The following DNAJC9 variants were observed in gnomAD, a reference collection of about 807,000 sequenced individuals.
DNAJC9 encodes dnaJ homolog subfamily C member 9.
In DNAJC9, 18 loss-of-function variants were observed where a neutral mutation model predicts 32.4. That is an observed-to-expected ratio of 0.56 (90% CI 0.38 to 0.82). The LOEUF is 0.82. DNAJC9 is among the 40% of genes least tolerant of loss of function. DNAJC9 has a pLI of 0.00. For synonymous variants in DNAJC9, 113 were observed against 122.1 expected, an observed-to-expected ratio of 0.93 and a Z score of 0.49; for missense variants, 310 against 321.8, an observed-to-expected ratio of 0.96 and a Z score of 0.28.
chr10:73,235,325 T>A, downstream of DNAJC9: 1 of 1,551,824 alleles, frequency 6.4e-7, no homozygotes, highest in Non-Finnish European at 8.7e-7. Context: ...TTTGGTAGAG[T>A]GACGTACTTC....
At chr10:73,238,199 T>G (rs1224068575), downstream of DNAJC9, among the ~76,000 whole-genome samples, 1 of 151,842 alleles carries the variant, frequency 6.6e-6, no homozygotes, top group Non-Finnish European at 1.5e-5. Context: ...ACAAGAAAAT[T>G]AGCCAGGCAT....
chr10:73,234,212 G>A (rs900007682), downstream of DNAJC9: 1 of 153,326 alleles, frequency 6.5e-6, no homozygotes, highest in Non-Finnish European at 1.5e-5. Flanking sequence ...TATACCAACA[G>A]AGCTATAAAT....
chr10:73,234,042 G>A (rs773619008), downstream of DNAJC9: 12 of 152,122 alleles, frequency 7.9e-5, no homozygotes, highest in Non-Finnish European at 1.6e-4. Context: ...ATACCTAGGA[G>A]CCAATTTTAA....
At chr10:73,233,322 T>G in intron 2 of DNAJC9, 1 of 607,562 alleles carries the variant, frequency 1.6e-6, no homozygotes. Context: ...CACAAAATTT[T>G]TTAATGTGGT....
At chr10:73,239,138 G>T, downstream of DNAJC9, 1 of 545,662 alleles carries the variant, frequency 1.8e-6, no homozygotes, top group South Asian at 2.6e-5. Flanking sequence ...TGGGCATCTG[G>T]CTTGGGATTT....
downstream of DNAJC9, chr10:73,239,257 A>G: frequency 1.4e-6 from 2 of 1,439,172 alleles, no homozygotes; most frequent in Non-Finnish European, 1.9e-6. Context: ...CTGCTAAAAT[A>G]TTATCCTTTG....
downstream of DNAJC9, chr10:73,239,184 T>C (rs529460098): frequency 3.7e-5 from 26 of 710,024 alleles, no homozygotes; most frequent in Non-Finnish European, 4.9e-5. Flanking sequence ...CTCAGCTGAC[T>C]TTTCCCTCAA....
At chr10:73,233,017 G>A (rs1589193296) in intron 2 of DNAJC9, 3 of 1,551,802 alleles carry the variant, frequency 1.9e-6, no homozygotes, top group African/African-American at 2.7e-5. Context: ...ATCGAGCTGT[G>A]GAGTTTAGTA....
chr10:73,233,106 G>T (rs1797404627), intron 2 of DNAJC9: 1 of 1,551,640 alleles, frequency 6.4e-7, no homozygotes, highest in Admixed American at 2.0e-5. Context: ...ATCAGCACGA[G>T]CCATTCATGT....
At chr10:73,239,408 A>AT, downstream of DNAJC9, 1 of 1,529,782 alleles carries the variant, frequency 6.5e-7, no homozygotes, top group Non-Finnish European at 8.9e-7. Flanking sequence ...CATGGCCCTT[A>AT]TTTACTACTG....
At chr10:73,241,738 T>C (rs1275170767), downstream of DNAJC9, 1 of 152,242 alleles carries the variant, frequency 6.6e-6, no homozygotes, top group Non-Finnish European at 1.5e-5. Context: ...TAAATGCACC[T>C]TGCCAGATAT....
downstream of DNAJC9, among the ~76,000 whole-genome samples, chr10:73,240,609 G>A (rs2043923602): frequency 6.6e-6 from 1 of 151,886 alleles, no homozygotes; most frequent in Non-Finnish European, 1.5e-5. Context: ...CTACTCGGGG[G>A]ACTGAGGCAG....
At chr10:73,246,945 C>G in intron 1 of DNAJC9, 65 bp downstream of exon 1, 1 of 1,566,932 alleles carries the variant, frequency 6.4e-7, no homozygotes, top group Middle Eastern at 2.4e-4. Context: ...GGGCGGGGCC[C>G]GGTAGCCAAA....
downstream of DNAJC9, among the ~76,000 whole-genome samples, chr10:73,236,307 T>G (rs893797366): frequency 6.6e-6 from 1 of 152,194 alleles, no homozygotes; most frequent in African/African-American, 2.4e-5. Context: ...CTATGCTCCC[T>G]TTGCAAGGTC....
downstream of DNAJC9, among the ~76,000 whole-genome samples, chr10:73,238,609 T>C (rs1367238890): frequency 6.6e-6 from 1 of 152,228 alleles, no homozygotes; most frequent in African/African-American, 2.4e-5. Flanking sequence ...CAAAGCCTAA[T>C]ATAATAACTA....
In DNAJC9 at chr10:73,243,319, CT is replaced by C; in HGVS notation, c.*80del. 1.3e-6 allele frequency: 2 copies of C among 1,532,574 alleles called. No homozygotes were observed. Among genetic ancestry groups the C allele is most frequent in the Non-Finnish European group, 8.9e-7 (1 of 1,125,138 alleles). 94.9% of individuals were successfully genotyped at this position (1,532,574 alleles called of 1,614,324 possible). ...CACCTTTTCTCAAGAGCTGAATTGA[CT>C]TTTGCCTTCAAATCCTGCCTGCACC... is the stretch of plus-strand genomic sequence containing the variant. On this transcript the variant is annotated 3_prime_UTR_variant, in exon 5 of 5. Transcript: ENST00000372950.
downstream of DNAJC9, among the ~76,000 whole-genome samples, chr10:73,237,421 CTT>C (rs539055192): frequency 1.1e-4 from 16 of 145,890 alleles, 1 homozygote; most frequent in South Asian, 6.5e-4. Context: ...TTCTCTGAAA[CTT>C]TTTTTTTTTT....
downstream of DNAJC9, chr10:73,241,177 G>A: frequency 4.9e-6 from 3 of 606,602 alleles, no homozygotes; most frequent in South Asian, 3.7e-5. Flanking sequence ...AAACACCATA[G>A]CAGCCAAAAA....
chr10:73,234,937 G>C (rs573526295), downstream of DNAJC9: 7 of 1,551,968 alleles, frequency 4.5e-6, no homozygotes, highest in African/African-American at 6.8e-5. Context: ...CACAAAGACA[G>C]ATGGTATGTT....
Sources: gnomAD v4.1 joint callset for allele counts (sites outside exome capture counted in the v4.1 genomes callset) on GRCh38, gnomAD v4.1.1 for gene constraint, MANE v1.5 for transcripts, NCBI Gene and HGNC (gene_info 2026-07-23, HGNC 2026-07-21) for gene names.